Variants in PAX5 observed in about 807,000 individuals in gnomAD.
PAX5 encodes the protein paired box protein Pax-5.
In PAX5, 9 loss-of-function variants were observed where a neutral mutation model predicts 43.7. That is an observed-to-expected ratio of 0.21 (90% CI 0.12 to 0.36). PAX5 has a LOEUF of 0.36. Among genes scored for constraint, PAX5 ranks in the 10% least tolerant of loss-of-function variants. The pLI, the probability that PAX5 is intolerant of heterozygous loss-of-function variation, is 1.00. For missense variants in PAX5, 383 were observed against 532.7 expected (o/e 0.72, Z 2.77); for synonymous variants, 228 against 214.3 (o/e 1.06, Z -0.56).
Position 36,837,691 on chromosome 9 carries a change from CG to C in PAX5, c.*2868del, listed in dbSNP as rs1452327944. On this transcript the variant is annotated 3_prime_UTR_variant, in exon 10 of 10. Coordinates refer to ENST00000358127, the MANE Select transcript of PAX5 (RefSeq NM_016734.3). The stretch of plus-strand genomic sequence containing the variant: ...GTGCATCCATGTGCGCTTGTGCTTC[CG>C]CCTGGCAGCCCAGGAGTCAAGTGGT... The C allele has an allele frequency of 1.2e-4, 29 of 233,228 alleles. No individual in the cohort carries two copies. The highest frequency in any genetic ancestry group is 6.0e-4 in the African/African-American group (27 of 45,342). 14.4% of individuals were successfully genotyped at this position (233,228 alleles called of 1,614,324 possible). A position where few individuals can be genotyped will look rare whatever the true frequency, so the allele number is the denominator to read the frequency against.
At chr9:37,018,779 A>G (rs938559253) in intron 2 of PAX5, among the ~76,000 whole-genome samples, 1 of 152,150 alleles carries the variant, frequency 6.6e-6, no homozygotes, top group Non-Finnish European at 1.5e-5. Context: ...AGCGGCGCGT[A>G]ACTTCCGAGT....
At chr9:36,900,443 CT>C in intron 7 of PAX5, among the ~76,000 whole-genome samples, 1 of 152,326 alleles carries the variant, frequency 6.6e-6, no homozygotes, top group South Asian at 2.1e-4. Context: ...ACTGGGAAGC[CT>C]CCAAACCTGG....
intron 8 of PAX5, among the ~76,000 whole-genome samples, chr9:36,873,653 C>T (rs910144885): frequency 2.4e-4 from 36 of 152,174 alleles, no homozygotes; most frequent in African/African-American, 6.8e-4. Flanking sequence ...CCTGAGCAAA[C>T]GCTCCCTGAG....
chr9:36,996,591 G>C (rs1014062381), intron 5 of PAX5, among the ~76,000 whole-genome samples: 1 of 152,184 alleles, frequency 6.6e-6, no homozygotes, highest in Non-Finnish European at 1.5e-5. Flanking sequence ...TCCTGCTTCT[G>C]TTTTCTGCCC....
intron 5 of PAX5, among the ~76,000 whole-genome samples, chr9:36,999,093 G>C (rs1588182228): frequency 6.6e-6 from 1 of 152,144 alleles, no homozygotes; most frequent in African/African-American, 2.4e-5. Flanking sequence ...GAGACACATA[G>C]CTCAAAACTA....
rs1172642174 is a variant in PAX5 at position 36,836,123 on chromosome 9, C to T, written c.*4437G>A. On this transcript the variant is annotated 3_prime_UTR_variant, in exon 10 of 10. Transcript: ENST00000358127. ...CTTCTGGTAAATGGATTTCACCCCT[C>T]AGTGCCCTGTGGCCACATCTGAGTC... The T allele has an allele frequency of 8.6e-6, 2 of 233,490 alleles. No individual in the cohort carries two copies. The allele number at this position is 233,490 out of a possible 1,614,324, so 14.5% of individuals were successfully genotyped here. A position where few individuals can be genotyped will look rare whatever the true frequency, so the allele number is the denominator to read the frequency against.
intron 7 of PAX5, among the ~76,000 whole-genome samples, chr9:36,903,982 C>T (rs1426266600): frequency 2.0e-5 from 3 of 152,190 alleles, no homozygotes; most frequent in African/African-American, 7.2e-5. Context: ...TGACTGCCGG[C>T]ATTTAAAACC....
At chr9:37,032,984 AC>A (rs1391338581) in intron 1 of PAX5, among the ~76,000 whole-genome samples, 1 of 152,178 alleles carries the variant, frequency 6.6e-6, no homozygotes, top group Admixed American at 6.5e-5. Flanking sequence ...ACAGGATAAA[AC>A]CTGAGGACAC....
At chr9:37,005,534 T>A (rs1298287087) in intron 4 of PAX5, among the ~76,000 whole-genome samples, 1 of 152,172 alleles carries the variant, frequency 6.6e-6, no homozygotes, top group Non-Finnish European at 1.5e-5. Context: ...GTGAGAGAAC[T>A]TTTACATTTT....
At chr9:37,019,161 A>G (rs1347091139) in intron 2 of PAX5, among the ~76,000 whole-genome samples, 1 of 151,272 alleles carries the variant, frequency 6.6e-6, no homozygotes, top group Non-Finnish European at 1.5e-5. Context: ...TCATTTATCT[A>G]TCTCTTTCTA....
chr9:36,972,825 C>T (rs1029848727), intron 5 of PAX5, among the ~76,000 whole-genome samples: 14 of 152,054 alleles, frequency 9.2e-5, no homozygotes, highest in African/African-American at 2.4e-4. Context: ...GTCAGGAGTT[C>T]GAGACCAGCC....
At chr9:37,020,589 G>A in intron 2 of PAX5, 47 bp downstream of exon 2, 1 of 1,579,626 alleles carries the variant, frequency 6.3e-7, no homozygotes, top group Non-Finnish European at 8.7e-7. Flanking sequence ...TCATGTTTTA[G>A]GTCTTTATTT....
At chr9:36,987,478 C>G (rs1181803753) in intron 5 of PAX5, among the ~76,000 whole-genome samples, 1 of 152,220 alleles carries the variant, frequency 6.6e-6, no homozygotes, top group Non-Finnish European at 1.5e-5. Context: ...CGAATTTGCA[C>G]AAGAATTTGA....
At chr9:36,878,364 G>T (rs905969068) in intron 8 of PAX5, among the ~76,000 whole-genome samples, 2 of 152,232 alleles carry the variant, frequency 1.3e-5, no homozygotes, top group African/African-American at 4.8e-5. Flanking sequence ...TGGACGTGGC[G>T]TAGGGGGCTG....
At chr9:36,845,459 CA>C (rs1822473286) in intron 9 of PAX5, among the ~76,000 whole-genome samples, 1 of 152,094 alleles carries the variant, frequency 6.6e-6, no homozygotes, top group Admixed American at 6.5e-5. Flanking sequence ...TGACCAAAAC[CA>C]AAAAAGGAGT....
At chr9:36,988,031 A>G (rs1588154317) in intron 5 of PAX5, among the ~76,000 whole-genome samples, 1 of 152,260 alleles carries the variant, frequency 6.6e-6, no homozygotes, top group East Asian at 1.9e-4. Flanking sequence ...GAAGATGAAG[A>G]AGGAGGGAGG....
intron 1 of PAX5, chr9:37,026,736 G>A: frequency 1.0e-6 from 1 of 985,322 alleles, no homozygotes; most frequent in Non-Finnish European, 1.2e-6. Flanking sequence ...CCTCCCTGCT[G>A]GAGACCGCCC....
At chr9:36,929,491 C>T (rs1263620059) in intron 6 of PAX5, among the ~76,000 whole-genome samples, 3 of 152,194 alleles carry the variant, frequency 2.0e-5, no homozygotes, top group East Asian at 1.9e-4. Context: ...ACATTGCCCC[C>T]GCCAACCCCA....
intron 8 of PAX5, among the ~76,000 whole-genome samples, chr9:36,850,259 AC>A (rs1348005236): frequency 1.3e-5 from 2 of 152,338 alleles, no homozygotes; most frequent in African/African-American, 4.8e-5. Flanking sequence ...AAGGCTTCAG[AC>A]TGGTGAGTGC....
Sources: gnomAD v4.1 joint callset for allele counts (sites outside exome capture counted in the v4.1 genomes callset) on GRCh38, gnomAD v4.1.1 for gene constraint, MANE v1.5 for transcripts, NCBI Gene and HGNC (gene_info 2026-07-23, HGNC 2026-07-21) for gene names.